The following RASAL2 variants were observed in gnomAD, a reference collection of about 807,000 sequenced individuals.
RASAL2 encodes the protein ras GTPase-activating protein nGAP.
In RASAL2, 58 loss-of-function variants were observed where a neutral mutation model predicts 128.9. That is an observed-to-expected ratio of 0.45 (90% confidence interval 0.36 to 0.56). The LOEUF is 0.56. Among genes scored for constraint, RASAL2 ranks in the 20% least tolerant of loss-of-function variants. RASAL2 has a pLI of 0.00. For synonymous variants in RASAL2, 561 were observed against 580.8 expected, an observed-to-expected ratio of 0.97 and a Z score of 0.49; for missense variants, 1,360 against 1,601.6, an observed-to-expected ratio of 0.85 and a Z score of 2.57.
rs546260565 is a variant in RASAL2, at chr1:178,424,053, G to C, written c.674+3433G>C. Among the ~76,000 whole-genome samples, 91 of 152,132 alleles carry C rather than the reference G, an allele frequency of 6.0e-4. 3 individuals carry two copies. In the South Asian group the frequency reaches 0.016, roughly 26 times the overall value. ...TCTGATCAAATTTGATCAGAACATTGAACTCAAGAGGTGAGGGACCTGTTT... is the reference window on the plus strand; with the variant it reads ...TCTGATCAAATTTGATCAGAACATTCAACTCAAGAGGTGAGGGACCTGTTT... On this transcript the variant is annotated intron_variant, in intron 5 of 17. Coordinates refer to ENST00000367649, the MANE Select transcript of RASAL2 (RefSeq NM_170692.4).
intron 1 of RASAL2, among the ~76,000 whole-genome samples, chr1:178,201,111 G>T (rs1373262855): frequency 6.6e-6 from 1 of 152,196 alleles, no homozygotes; most frequent in African/African-American, 2.4e-5. Context: ...ATTTATATAA[G>T]CAGAAATCTG....
intron 1 of RASAL2, among the ~76,000 whole-genome samples, chr1:178,199,005 C>T (rs1662771509): frequency 6.6e-6 from 1 of 152,234 alleles, no homozygotes; most frequent in South Asian, 2.1e-4. Flanking sequence ...CTTTGTTTAC[C>T]TACTCAAGTA....
In RASAL2 at chr1:178,473,083, G is replaced by A; in HGVS notation, c.3687G>A (p.Arg1229=). 6.2e-7 allele frequency: 1 copy of A among 1,614,144 alleles called. No homozygotes were observed. Among genetic ancestry groups the A allele is most frequent in the Non-Finnish European group, 8.5e-7 (1 of 1,180,012 alleles). ...TGATTGGTGTGTTGTAGGAAAAACG[G>A]ATCGTGTCCCTGGATTCAGCCAACA... ...KQKIIDAQEK[R]IVSLDSANTR... is the part of the protein sequence containing the mutation. The change falls in exon 18 of 18, where the codon CGG becomes CGA. Residue 1229 remains arginine, a synonymous_variant. Transcript: ENST00000367649.
At chr1:178,284,789 G>A (rs904808239) in intron 2 of RASAL2, among the ~76,000 whole-genome samples, 1 of 152,096 alleles carries the variant, frequency 6.6e-6, no homozygotes, top group African/African-American at 2.4e-5. Context: ...TGAAAGGGAA[G>A]GAGAAGATAT....
intron 3 of RASAL2, among the ~76,000 whole-genome samples, chr1:178,358,442 G>A (rs1403061311): frequency 2.0e-5 from 3 of 151,926 alleles, no homozygotes; most frequent in Non-Finnish European, 4.4e-5. Flanking sequence ...TTACTATCAA[G>A]GACATACAAA....
rs776543608 is a variant in RASAL2, at chr1:178,473,260, A to C, written c.*21A>C. 1 of 1,613,956 alleles carries C rather than the reference A, an allele frequency of 6.2e-7. No homozygotes were observed. Among genetic ancestry groups the C allele is most frequent in the Non-Finnish European group, 8.5e-7 (1 of 1,179,866 alleles). ...GCTGACGGGCTTTGTCTGTGGAAGG[A>C]GACAGAAGGAAATTGACCCACTCTC... On this transcript the variant is annotated 3_prime_UTR_variant, in exon 18 of 18. Transcript: ENST00000367649.
intron 1 of RASAL2, among the ~76,000 whole-genome samples, chr1:178,278,293 A>G (rs1247572097): frequency 1.3e-5 from 2 of 152,092 alleles, no homozygotes; most frequent in Non-Finnish European, 2.9e-5. Flanking sequence ...GGAATTTTCC[A>G]TTGTGGCCAT....
At chr1:178,363,566 G>A (rs1201495271) in intron 3 of RASAL2, among the ~76,000 whole-genome samples, 3 of 152,166 alleles carry the variant, frequency 2.0e-5, no homozygotes, top group African/African-American at 7.2e-5. Context: ...TGTAAAATTA[G>A]CAATGGTAAA....
At position 178,443,158 on chromosome 1, in the gene RASAL2, A is replaced by C. The variant is rs1676788222; in HGVS notation, c.1411A>C (p.Ile471Leu). 1 of 1,613,780 alleles carries C rather than the reference A, an allele frequency of 6.2e-7. No homozygotes were observed. Residue 471 changes from isoleucine to leucine, a missense_variant, in exon 8 of 18, where the codon ATT (isoleucine) becomes CTT (leucine). Around this residue, in one of 3 missense-constraint regions of RASAL2, gnomAD observed 617 missense variants for 714.2 expected, o/e 0.86. Transcript: ENST00000367649. ...GCTGTGTTCTGTCCTTGAGCCAGTA[A>C]TTAGTGTGAGAAATAAAGAGGAGTT... ...TMLCSVLEPV[I>L]SVRNKEELAC...
intron 3 of RASAL2, among the ~76,000 whole-genome samples, chr1:178,371,353 A>ACACACACACACACAC (rs59882717): frequency 3.6e-5 from 4 of 109,640 alleles, no homozygotes; most frequent in African/African-American, 1.8e-4. Flanking sequence ...CACACACACA[A>ACACACACACACACAC]ATACACACAC....
intron 2 of RASAL2, among the ~76,000 whole-genome samples, chr1:178,296,839 A>AT (rs915942326): frequency 6.6e-6 from 1 of 151,424 alleles, no homozygotes; most frequent in Non-Finnish European, 1.5e-5. Flanking sequence ...TGTCCAACTG[A>AT]TTTTTTGTAT....
chr1:178,247,849 G>A (rs2102072417), intron 1 of RASAL2, among the ~76,000 whole-genome samples: 1 of 152,260 alleles, frequency 6.6e-6, no homozygotes, highest in Middle Eastern at 3.4e-3. Flanking sequence ...GCAGGAGCAG[G>A]TTGTTCAGTT....
chr1:178,126,990 C>A (rs1659925929), intron 1 of RASAL2, among the ~76,000 whole-genome samples: 1 of 152,180 alleles, frequency 6.6e-6, no homozygotes, highest in African/African-American at 2.4e-5. Flanking sequence ...TTAATACTGT[C>A]TTTCTTTCTG....
intron 1 of RASAL2, among the ~76,000 whole-genome samples, chr1:178,214,829 A>G (rs770423870): frequency 5.3e-5 from 8 of 152,082 alleles, no homozygotes; most frequent in Admixed American, 1.3e-4. Flanking sequence ...AAGTGCAGGG[A>G]TTACAGGCAT....
intron 4 of RASAL2, among the ~76,000 whole-genome samples, chr1:178,416,889 T>G (rs1674793608): frequency 6.6e-6 from 1 of 151,960 alleles, no homozygotes; most frequent in Non-Finnish European, 1.5e-5. Flanking sequence ...TCTGGCTTCT[T>G]TAGGATTTTT....
At chr1:178,232,244 G>A (rs760875562) in intron 1 of RASAL2, among the ~76,000 whole-genome samples, 3 of 152,090 alleles carry the variant, frequency 2.0e-5, no homozygotes, top group African/African-American at 4.8e-5. Flanking sequence ...AACTTAACCA[G>A]CAAAAACTTG....
intron 1 of RASAL2, among the ~76,000 whole-genome samples, chr1:178,112,427 G>A (rs890668965): frequency 5.9e-5 from 9 of 152,054 alleles, no homozygotes; most frequent in African/African-American, 2.2e-4. Flanking sequence ...GTGTGTGCCT[G>A]TAATCTCAAC....
intron 1 of RASAL2, among the ~76,000 whole-genome samples, chr1:178,199,112 G>T (rs1338137370): frequency 6.6e-6 from 1 of 152,234 alleles, no homozygotes; most frequent in Non-Finnish European, 1.5e-5. Flanking sequence ...CGCTGAGCCA[G>T]GCATGGGATA....
chr1:178,423,854 A>G (rs1675322932), intron 5 of RASAL2, among the ~76,000 whole-genome samples: 1 of 152,196 alleles, frequency 6.6e-6, no homozygotes, highest in South Asian at 2.1e-4. Flanking sequence ...ATTTCTTATG[A>G]TTTGGAATAG....
Sources: gnomAD v4.1 joint callset for allele counts (sites outside exome capture counted in the v4.1 genomes callset) on GRCh38, gnomAD v4.1.1 for gene constraint, gnomAD v4.1.1 regional missense constraint, MANE v1.5 for transcripts, NCBI Gene and HGNC (gene_info 2026-07-23, HGNC 2026-07-21) for gene names.